Variants in SAMD5 observed in about 807,000 individuals in gnomAD.
SAMD5 encodes the protein sterile alpha motif domain containing 5.
A neutral mutation model predicts 11.3 loss-of-function variants in SAMD5; 13 were observed. The ratio of observed to expected loss-of-function variants is 1.15; its 90% CI spans 0.75 to 1.83. The LOEUF is 1.83. Ranked by LOEUF, SAMD5 falls within the 40% of genes most tolerant of loss-of-function variation. SAMD5 has a pLI of 0.00. For synonymous variants in SAMD5, 129 were observed against 111.3 expected (o/e 1.16, Z -1.00); for missense variants, 255 against 239.1 (o/e 1.07, Z -0.44).
chr6:147,764,375 AATAAAT>A, the SAMD5 span, among the ~76,000 whole-genome samples: 1 of 152,200 alleles, frequency 6.6e-6, no homozygotes, highest in Non-Finnish European at 1.5e-5. Flanking sequence ...TCTTACAACA[AATAAAT>A]ATAAAGTTTG....
intron 1 of SAMD5, among the ~76,000 whole-genome samples, chr6:147,613,323 GC>G (rs1216503108): frequency 1.3e-5 from 2 of 151,774 alleles, no homozygotes; most frequent in Non-Finnish European, 2.9e-5. Flanking sequence ...TCCTTATTGA[GC>G]CCCTGATCCT....
chr6:147,545,762 CAT>C (rs1788675692), intron 1 of SAMD5, among the ~76,000 whole-genome samples: 1 of 151,946 alleles, frequency 6.6e-6, no homozygotes, highest in Non-Finnish European at 1.5e-5. Context: ...CAGACACACA[CAT>C]ATATACATAC....
chr6:147,682,457 C>G (rs1007983692), intron 1 of SAMD5, among the ~76,000 whole-genome samples: 1 of 152,110 alleles, frequency 6.6e-6, no homozygotes, highest in African/African-American at 2.4e-5. Flanking sequence ...CTGGTCACTA[C>G]TAATCTCTGA....
the SAMD5 span, among the ~76,000 whole-genome samples, chr6:147,943,654 A>G: frequency 2.0e-5 from 3 of 151,532 alleles, no homozygotes; most frequent in African/African-American, 7.3e-5. Flanking sequence ...TCCTCTCCCT[A>G]ACTCCTCTCC....
the SAMD5 span, among the ~76,000 whole-genome samples, chr6:147,798,811 A>T: frequency 1.3e-5 from 2 of 152,074 alleles, no homozygotes; most frequent in Non-Finnish European, 2.9e-5. Context: ...TGAACCCTTT[A>T]CCATTATGTA....
At chr6:147,945,037 G>T in the SAMD5 span, among the ~76,000 whole-genome samples, 117,525 of 152,170 alleles carry the variant, frequency 0.77, 45,934 homozygotes, top group Non-Finnish European at 0.84. Context: ...CTCCATAGTG[G>T]TCCACTGGAA....
chr6:147,811,878 A>G, the SAMD5 span, among the ~76,000 whole-genome samples: 4 of 152,222 alleles, frequency 2.6e-5, no homozygotes, highest in Admixed American at 2.6e-4. Context: ...GGCATGCAAC[A>G]AACATCTCCT....
intron 1 of SAMD5, among the ~76,000 whole-genome samples, chr6:147,562,160 T>G (rs1583083989): frequency 6.6e-6 from 1 of 152,338 alleles, no homozygotes; most frequent in East Asian, 1.9e-4. Context: ...ATAGGCAGGG[T>G]GTCTTTACTT....
intron 1 of SAMD5, among the ~76,000 whole-genome samples, chr6:147,555,719 T>C (rs1309518416): frequency 6.6e-6 from 1 of 152,206 alleles, no homozygotes; most frequent in Non-Finnish European, 1.5e-5. Flanking sequence ...GATTGACCAA[T>C]GATTTTAATG....
intron 1 of SAMD5, among the ~76,000 whole-genome samples, chr6:147,629,601 G>A (rs1242571014): frequency 2.6e-5 from 4 of 152,214 alleles, no homozygotes; most frequent in Non-Finnish European, 5.9e-5. Flanking sequence ...CTAGGACAGG[G>A]TGACAGAAGA....
chr6:147,905,598 G>A, the SAMD5 span, among the ~76,000 whole-genome samples: 1 of 152,034 alleles, frequency 6.6e-6, no homozygotes, highest in East Asian at 1.9e-4. Context: ...CAATGTGTTG[G>A]TATGTAACTC....
At chr6:147,625,881 C>G (rs997218517) in intron 1 of SAMD5, among the ~76,000 whole-genome samples, 1 of 152,142 alleles carries the variant, frequency 6.6e-6, no homozygotes, top group Non-Finnish European at 1.5e-5. Flanking sequence ...TAAAAGAACC[C>G]CACTTTGGTT....
the SAMD5 span, among the ~76,000 whole-genome samples, chr6:147,870,765 G>A: frequency 7.5e-6 from 1 of 133,042 alleles, no homozygotes; most frequent in Admixed American, 8.3e-5. Context: ...GGAAGTCGGG[G>A]AAGGAGAAGG....
the SAMD5 span, among the ~76,000 whole-genome samples, chr6:147,774,606 A>AT: frequency 1.3e-5 from 2 of 151,748 alleles, no homozygotes; most frequent in Admixed American, 1.3e-4. Context: ...TTATATTGTT[A>AT]TTTTTTATGG....
chr6:147,623,919 G>A (rs1003794890), intron 1 of SAMD5, among the ~76,000 whole-genome samples: 2 of 151,636 alleles, frequency 1.3e-5, no homozygotes, highest in Non-Finnish European at 2.9e-5. Flanking sequence ...GCCCAGGCTC[G>A]AGTGCAGTGG....
At chr6:147,732,495 T>A (rs1791732874) in intron 1 of SAMD5, among the ~76,000 whole-genome samples, 1 of 152,216 alleles carries the variant, frequency 6.6e-6, no homozygotes, top group Non-Finnish European at 1.5e-5. Context: ...AAAGCTTGAA[T>A]TCTTACGTAA....
chr6:147,869,803 T>C, the SAMD5 span, among the ~76,000 whole-genome samples: 1 of 152,072 alleles, frequency 6.6e-6, no homozygotes, highest in African/African-American at 2.4e-5. Context: ...GCTCAAGGGA[T>C]CTTCCCACTT....
the SAMD5 span, among the ~76,000 whole-genome samples, chr6:147,877,899 A>C: frequency 0.088 from 8,005 of 91,460 alleles, 344 homozygotes; most frequent in Non-Finnish European, 0.1. Context: ...AGATAGCTAG[A>C]TAGATAGATA....
At chr6:147,831,878 G>A in the SAMD5 span, among the ~76,000 whole-genome samples, 1 of 152,124 alleles carries the variant, frequency 6.6e-6, no homozygotes, top group Non-Finnish European at 1.5e-5. Context: ...TTTTGATTTG[G>A]TAGAATATCT....
Sources: allele counts gnomAD v4.1 joint callset (sites outside exome capture counted in the v4.1 genomes callset), GRCh38; gene constraint gnomAD v4.1.1; transcripts MANE v1.5; gene names NCBI Gene and HGNC (gene_info 2026-07-23, HGNC 2026-07-21).